PKIB: variants seen among roughly 807,000 people sequenced by gnomAD.
PKIB encodes PKI-beta.
Under a neutral mutation model 4.5 loss-of-function variants are expected in PKIB, and 2 were observed. That is an observed-to-expected ratio of 0.44 (90% CI 0.18 to 1.39). The LOEUF is 1.39. PKIB is among the 40% of genes most tolerant of loss of function. The probability of loss-of-function intolerance (pLI) is 0.27; values close to 1 mark genes in which losing one functional copy is unlikely to be tolerated. For synonymous variants in PKIB, 38 were observed against 36.0 expected (o/e 1.06, Z -0.20); for missense variants, 94 against 92.6 (o/e 1.02, Z -0.06).
chr6:122,702,056 A>G (rs1411050188), intron 3 of PKIB, among the ~76,000 whole-genome samples: 1 of 132,514 alleles, frequency 7.5e-6, no homozygotes, highest in Non-Finnish European at 1.5e-5. Context: ...CCTAACCTCC[A>G]AGGAAGACAG....
At chr6:122,505,948 A>G (rs906628062) in intron 2 of PKIB, among the ~76,000 whole-genome samples, 1 of 152,116 alleles carries the variant, frequency 6.6e-6, no homozygotes. Flanking sequence ...AATTATTGAC[A>G]TATTTTGTAG....
chr6:122,622,277 C>G (rs559005794), intron 1 of PKIB, among the ~76,000 whole-genome samples: 30 of 146,536 alleles, frequency 2.0e-4, no homozygotes, highest in African/African-American at 7.6e-4. Context: ...CTTTCAAAGT[C>G]ATAATTTAAA....
chr6:122,620,350 A>C (rs922615522), intron 1 of PKIB, among the ~76,000 whole-genome samples: 5 of 152,086 alleles, frequency 3.3e-5, no homozygotes, highest in African/African-American at 1.2e-4. Flanking sequence ...TGAATTCCCA[A>C]ATGTATTCAG....
At chr6:122,498,185 T>G (rs1776128946) in intron 2 of PKIB, among the ~76,000 whole-genome samples, 1 of 152,214 alleles carries the variant, frequency 6.6e-6, no homozygotes, top group Non-Finnish European at 1.5e-5. Flanking sequence ...AAAGGTGTAT[T>G]GGACTTACAG....
intron 4 of PKIB, among the ~76,000 whole-genome samples, chr6:122,722,420 T>A (rs183489548): frequency 3.9e-5 from 6 of 152,226 alleles, no homozygotes; most frequent in Admixed American, 3.3e-4. Context: ...TTATCTTGAG[T>A]TCCTAGTTCA....
At chr6:122,509,555 C>T (rs931627866) in intron 2 of PKIB, among the ~76,000 whole-genome samples, 12 of 151,808 alleles carry the variant, frequency 7.9e-5, no homozygotes, top group Admixed American at 2.6e-4. Context: ...CTTAGCCTCC[C>T]GAGTAGCTGG....
intron 2 of PKIB, among the ~76,000 whole-genome samples, chr6:122,491,588 A>C (rs1485672896): frequency 6.6e-6 from 1 of 152,190 alleles, no homozygotes; most frequent in Non-Finnish European, 1.5e-5. Context: ...GGGCAAACCA[A>C]GTCTTCCTGA....
rs1773553852 is a variant in PKIB, at chr6:122,576,715, C to CTTTT, written c.-247-9205_-247-9202dup. ...ATATATATATATATATATATATTTT[C>CTTTT]TTTTGTATAATTATACCTCAGTAAA... On this transcript the variant is annotated intron_variant, in intron 2 of 6. Coordinates refer to the PKIB transcript ENST00000392491. Among the ~76,000 whole-genome samples, 9 of 99,658 alleles carry CTTTT rather than the reference C, an allele frequency of 9.0e-5. 1 individual carries two copies. Among genetic ancestry groups the CTTTT allele is most frequent in the African/African-American group, 3.7e-4 (9 of 24,494 alleles). The allele number at this position is 99,658 out of a possible 152,430, so 65.4% of individuals were successfully genotyped here.
intron 2 of PKIB, among the ~76,000 whole-genome samples, chr6:122,543,538 C>T (rs749224562): frequency 1.6e-4 from 24 of 151,954 alleles, no homozygotes; most frequent in Middle Eastern, 3.4e-3. Context: ...TGCAACCATG[C>T]CCAGCTAATT....
At chr6:122,580,865 C>T (rs1158721918) in intron 2 of PKIB, among the ~76,000 whole-genome samples, 2 of 152,106 alleles carry the variant, frequency 1.3e-5, no homozygotes, top group African/African-American at 4.8e-5. Flanking sequence ...TCTGACATAA[C>T]CTGTGGTCAA....
At chr6:122,563,779 T>C (rs1000183526) in intron 2 of PKIB, among the ~76,000 whole-genome samples, 1 of 152,080 alleles carries the variant, frequency 6.6e-6, no homozygotes, top group East Asian at 1.9e-4. Context: ...CCAGCTCCCA[T>C]GCAAACCGAA....
intron 4 of PKIB, among the ~76,000 whole-genome samples, chr6:122,720,400 C>A (rs1343381403): frequency 6.6e-6 from 1 of 151,864 alleles, no homozygotes; most frequent in Non-Finnish European, 1.5e-5. Context: ...GGAGAAAGAT[C>A]AGTGGATTTG....
At chr6:122,702,836 TAAC>T (rs368766308) in intron 3 of PKIB, among the ~76,000 whole-genome samples, 30 of 152,294 alleles carry the variant, frequency 2.0e-4, no homozygotes, top group Admixed American at 5.2e-4. Context: ...TTTATAATAA[TAAC>T]TATATATGAT....
chr6:122,602,715 G>A (rs1399030198), intron 3 of PKIB, among the ~76,000 whole-genome samples: 1 of 151,956 alleles, frequency 6.6e-6, no homozygotes, highest in Non-Finnish European at 1.5e-5. Context: ...AGGAGTTCGA[G>A]ACCAGCCTGG....
chr6:122,670,306 G>A (rs899118362), intron 2 of PKIB, among the ~76,000 whole-genome samples: 2 of 152,110 alleles, frequency 1.3e-5, no homozygotes, highest in Non-Finnish European at 2.9e-5. Flanking sequence ...TATAGAAAGG[G>A]GGAGAGGAGC....
intron 2 of PKIB, among the ~76,000 whole-genome samples, chr6:122,519,993 C>A (rs1204806601): frequency 6.6e-6 from 1 of 152,156 alleles, no homozygotes; most frequent in Non-Finnish European, 1.5e-5. Context: ...TTCCAAGATT[C>A]CCTCTAGGGT....
chr6:122,544,006 A>G (rs1456468983), intron 2 of PKIB, among the ~76,000 whole-genome samples: 1 of 152,036 alleles, frequency 6.6e-6, no homozygotes, highest in African/African-American at 2.4e-5. Context: ...TTCTGTTAAA[A>G]TAACCACAGC....
chr6:122,478,602 AG>A (rs903681141), intron 2 of PKIB: 3 of 152,146 alleles, frequency 2.0e-5, no homozygotes, highest in Non-Finnish European at 2.9e-5. Context: ...AAACATAATT[AG>A]AGTCACTTAA....
At chr6:122,678,150 G>A (rs563081035) in intron 3 of PKIB, among the ~76,000 whole-genome samples, 4 of 152,094 alleles carry the variant, frequency 2.6e-5, no homozygotes, top group South Asian at 2.1e-4. Flanking sequence ...TGCTCACCTC[G>A]GCCTCCCAAA....
Sources: gnomAD v4.1 joint callset for allele counts (sites outside exome capture counted in the v4.1 genomes callset) on GRCh38, gnomAD v4.1.1 for gene constraint, MANE v1.5 for transcripts, NCBI Gene and HGNC (gene_info 2026-07-23, HGNC 2026-07-21) for gene names.